The following PLPP4 variants were observed in gnomAD, a reference collection of about 807,000 sequenced individuals.
PLPP4 encodes phospholipid phosphatase 4.
In PLPP4, 20 loss-of-function variants were observed where a neutral mutation model predicts 32.2. The observed-to-expected ratio is 0.62, with a 90% confidence interval of 0.44 to 0.90. PLPP4 has a LOEUF of 0.90. Ranked by LOEUF, PLPP4 falls within the 40% of genes least tolerant of loss-of-function variation. PLPP4 has a pLI of 0.00. For missense variants in PLPP4, 257 were observed against 353.1 expected, an observed-to-expected ratio of 0.73 and a Z score of 2.18; for synonymous variants, 127 against 133.0, an observed-to-expected ratio of 0.95 and a Z score of 0.31.
chr10:120,510,962 C>A (rs1845702250), intron 2 of PLPP4, among the ~76,000 whole-genome samples: 1 of 152,210 alleles, frequency 6.6e-6, no homozygotes, highest in African/African-American at 2.4e-5. Flanking sequence ...TGCAGCAACT[C>A]TGGGGTGGGA....
chr10:120,531,895 C>CAT (rs1554889480), intron 5 of PLPP4, among the ~76,000 whole-genome samples: 186 of 140,466 alleles, frequency 1.3e-3, no homozygotes, highest in South Asian at 2.4e-3. Flanking sequence ...CACACACACA[C>CAT]ATATATATAT....
intron 6 of PLPP4, among the ~76,000 whole-genome samples, chr10:120,585,709 C>T (rs922634396): frequency 2.0e-5 from 3 of 152,194 alleles, no homozygotes; most frequent in Non-Finnish European, 4.4e-5. Flanking sequence ...TAGGATTTCT[C>T]AGCGTGGAAG....
chr10:120,547,059 T>G (rs539482615), intron 5 of PLPP4, among the ~76,000 whole-genome samples: 1 of 152,268 alleles, frequency 6.6e-6, no homozygotes, highest in South Asian at 2.1e-4. Flanking sequence ...TAGCATGTTC[T>G]TTTTTAAAAA....
chr10:120,477,488 A>AT (rs946714056), intron 1 of PLPP4, among the ~76,000 whole-genome samples: 5 of 151,750 alleles, frequency 3.3e-5, no homozygotes, highest in Non-Finnish European at 4.4e-5. Context: ...ATCACCTCCC[A>AT]TTTTTCTGCT....
intron 1 of PLPP4, among the ~76,000 whole-genome samples, chr10:120,469,317 T>G (rs947183510): frequency 6.7e-6 from 1 of 149,322 alleles, no homozygotes; most frequent in Non-Finnish European, 1.5e-5. Context: ...AAGCTCCACC[T>G]CCCAGGTTCA....
At chr10:120,529,318 A>G (rs768818355) in intron 5 of PLPP4, among the ~76,000 whole-genome samples, 19 of 152,152 alleles carry the variant, frequency 1.2e-4, no homozygotes, top group Non-Finnish European at 1.9e-4. Flanking sequence ...CTGGCCTCAA[A>G]TGTGAATAGT....
intron 6 of PLPP4, among the ~76,000 whole-genome samples, chr10:120,586,517 A>G (rs143166862): frequency 0.019 from 2,940 of 152,256 alleles, 43 homozygotes; most frequent in Middle Eastern, 0.041. Flanking sequence ...GAACACTTAC[A>G]TAACAAGGCC....
intron 3 of PLPP4, among the ~76,000 whole-genome samples, chr10:120,518,466 A>C (rs1241533401): frequency 1.3e-5 from 2 of 152,194 alleles, no homozygotes. Flanking sequence ...AGGAGGAAAT[A>C]AAAAAAGTTA....
intron 6 of PLPP4, chr10:120,580,773 C>A: frequency 1.4e-6 from 1 of 717,652 alleles, no homozygotes; most frequent in Non-Finnish European, 2.0e-6. Flanking sequence ...GAAAAAGATC[C>A]CTTGGAACAA....
Position 120,538,022 on chromosome 10 carries a change from C to CTG in PLPP4, c.445+16928_445+16929insGT, listed in dbSNP as rs1847122325. Among the ~76,000 whole-genome samples the CTG allele has an allele frequency of 2.7e-4, 15 of 56,426 alleles. 2 individuals are homozygous for CTG. Among genetic ancestry groups the CTG allele is most frequent in the East Asian group, 4.1e-4 (1 of 2,414 alleles). The allele number at this position is 56,426 out of a possible 152,430, so 37.0% of individuals were successfully genotyped here. A position where few individuals can be genotyped will look rare whatever the true frequency, so the allele number is the denominator to read the frequency against. On this transcript the variant is annotated intron_variant, in intron 5 of 6. Coordinates refer to ENST00000398250, the MANE Select transcript of PLPP4 (RefSeq NM_001030059.3). Reference sequence around the variant, plus strand: ...TCTCTCTCTCTCTCTCTCTCTCTCTCTCTCTCTCTCTCTCTCTCTCTCTCT... The same window carrying CTG: ...TCTCTCTCTCTCTCTCTCTCTCTCTCTGTCTCTCTCTCTCTCTCTCTCTCTCT...
chr10:120,572,160 C>T (rs1035353292), intron 5 of PLPP4, among the ~76,000 whole-genome samples: 1 of 152,122 alleles, frequency 6.6e-6, no homozygotes, highest in Non-Finnish European at 1.5e-5. Flanking sequence ...CAGTGGTGGT[C>T]CTGGCTCCCG....
chr10:120,567,140 A>C (rs1455031298), intron 5 of PLPP4, among the ~76,000 whole-genome samples: 1 of 152,144 alleles, frequency 6.6e-6, no homozygotes, highest in Non-Finnish European at 1.5e-5. Context: ...GATTGTTTTA[A>C]TATTTCGTCT....
chr10:120,466,373 A>G (rs1324807975), intron 1 of PLPP4, among the ~76,000 whole-genome samples: 1 of 152,196 alleles, frequency 6.6e-6, no homozygotes, highest in Non-Finnish European at 1.5e-5. Flanking sequence ...TAAATATCCC[A>G]TATATCCATG....
At chr10:120,568,803 T>C (rs545324643) in intron 5 of PLPP4, among the ~76,000 whole-genome samples, 1 of 152,328 alleles carries the variant, frequency 6.6e-6, no homozygotes, top group East Asian at 1.9e-4. Flanking sequence ...GATGCTCAGA[T>C]ATGCAAAACC....
At chr10:120,464,670 C>G (rs1052209621) in intron 1 of PLPP4, among the ~76,000 whole-genome samples, 1 of 152,174 alleles carries the variant, frequency 6.6e-6, no homozygotes, top group Non-Finnish European at 1.5e-5. Context: ...TTGAAGCGCT[C>G]TCAGCATAGC....
At chr10:120,516,541 A>C (rs901903180) in intron 3 of PLPP4, among the ~76,000 whole-genome samples, 5 of 152,120 alleles carry the variant, frequency 3.3e-5, no homozygotes, top group African/African-American at 9.7e-5. Context: ...AAGCCCTCTA[A>C]TCTCCTGGAA....
At chr10:120,588,385 C>T (rs1009964817) in intron 6 of PLPP4, among the ~76,000 whole-genome samples, 29 of 152,224 alleles carry the variant, frequency 1.9e-4, no homozygotes, top group African/African-American at 6.5e-4. Flanking sequence ...CCTCTTGCCT[C>T]CCAGCTGGTA....
At chr10:120,544,235 A>C (rs1379614351) in intron 5 of PLPP4, among the ~76,000 whole-genome samples, 1 of 152,206 alleles carries the variant, frequency 6.6e-6, no homozygotes, top group Non-Finnish European at 1.5e-5. Context: ...TTCCACGAAC[A>C]GTACATATCC....
Position 120,481,816 on chromosome 10 carries a change from T to C in PLPP4, c.57-22002T>C, listed in dbSNP as rs1414901286. 3.3e-5 allele frequency among the ~76,000 whole-genome samples: 5 copies of C among 152,342 alleles called. No homozygotes were observed. The East Asian group carries it at 9.7e-4, about 29-fold the overall frequency. On this transcript the variant is annotated intron_variant, in intron 1 of 6. Coordinates refer to ENST00000398250, the MANE Select transcript of PLPP4 (RefSeq NM_001030059.3). ...TCCCCACCCAAATCTCATCTTGAAT[T>C]CCCATGTGTTGTGGGAGAGACCCAG... is the stretch of plus-strand genomic sequence containing the variant.
Sources: gnomAD v4.1 joint callset for allele counts (sites outside exome capture counted in the v4.1 genomes callset) on GRCh38, gnomAD v4.1.1 for gene constraint, MANE v1.5 for transcripts, NCBI Gene and HGNC (gene_info 2026-07-23, HGNC 2026-07-21) for gene names.